CCDC178: variants seen among roughly 807,000 people sequenced by gnomAD.
CCDC178 encodes coiled-coil domain-containing protein 178.
In CCDC178, 126 loss-of-function variants were observed where a neutral mutation model predicts 117.4. The observed-to-expected ratio is 1.07, with a 90% CI of 0.93 to 1.24. The LOEUF (loss-of-function observed/expected upper bound fraction) is 1.24. Among genes scored for constraint, CCDC178 ranks in the 50% most tolerant of loss-of-function variants. CCDC178 has a pLI of 0.00. For missense variants in CCDC178, 1,030 were observed against 986.9 expected (o/e 1.04, Z -0.59); for synonymous variants, 283 against 313.4 (o/e 0.90, Z 1.02).
At chr18:33,432,176 G>A (rs745717068) in intron 2 of CCDC178, among the ~76,000 whole-genome samples, 6 of 152,182 alleles carry the variant, frequency 3.9e-5, no homozygotes, top group Admixed American at 6.5e-5. Context: ...GGAGGGTTTG[G>A]TTGGGTATGG....
At chr18:33,179,133 A>ATATATATAAAC (rs2058704036) in intron 20 of CCDC178, among the ~76,000 whole-genome samples, 1 of 126,590 alleles carries the variant, frequency 7.9e-6, no homozygotes, top group African/African-American at 3.2e-5. Flanking sequence ...TATATAAACT[A>ATATATATAAAC]TATATATATA....
At chr18:33,045,340 T>C (rs1424019863) in intron 21 of CCDC178, among the ~76,000 whole-genome samples, 1 of 152,120 alleles carries the variant, frequency 6.6e-6, no homozygotes, top group East Asian at 1.9e-4. Context: ...AATCAATAAA[T>C]AGTTAGGCCC....
At chr18:33,381,908 T>C (rs2063443171) in intron 5 of CCDC178, among the ~76,000 whole-genome samples, 1 of 152,164 alleles carries the variant, frequency 6.6e-6, no homozygotes, top group African/African-American at 2.4e-5. Context: ...GATTTTACAC[T>C]TTTTGTGAGG....
At chr18:33,265,245 G>C (rs913453750) in intron 14 of CCDC178, among the ~76,000 whole-genome samples, 1 of 151,266 alleles carries the variant, frequency 6.6e-6, no homozygotes, top group African/African-American at 2.4e-5. Flanking sequence ...ATTTTTTCCT[G>C]ATAGCATAGT....
intron 5 of CCDC178, among the ~76,000 whole-genome samples, chr18:33,371,006 C>T (rs73955121): frequency 0.016 from 2,377 of 151,996 alleles, 62 homozygotes; most frequent in African/African-American, 0.053. Context: ...ATATGCTCAG[C>T]GCCTCAATGA....
At chr18:33,320,471 C>T (rs1350607555) in intron 11 of CCDC178, among the ~76,000 whole-genome samples, 1 of 152,128 alleles carries the variant, frequency 6.6e-6, no homozygotes, top group Non-Finnish European at 1.5e-5. Context: ...AGAGCCAAAT[C>T]ATGAGTGAAC....
intron 6 of CCDC178, among the ~76,000 whole-genome samples, chr18:33,363,032 TTTTTAA>T (rs1490128619): frequency 6.6e-6 from 1 of 151,624 alleles, no homozygotes; most frequent in Admixed American, 6.6e-5. Context: ...TAATGAGATA[TTTTTAA>T]AAACTGGATC....
At chr18:33,007,888 T>C (rs2055782891) in intron 21 of CCDC178, among the ~76,000 whole-genome samples, 2 of 152,094 alleles carry the variant, frequency 1.3e-5, no homozygotes, top group African/African-American at 4.8e-5. Flanking sequence ...AACATGAACA[T>C]TGTGCAATAG....
chr18:33,329,439 C>T (rs551210936), intron 10 of CCDC178, among the ~76,000 whole-genome samples: 39 of 152,164 alleles, frequency 2.6e-4, no homozygotes, highest in African/African-American at 8.9e-4. Flanking sequence ...ACAAAAATGT[C>T]CTTATTCATA....
chr18:33,223,244 T>C (rs1475876301), intron 17 of CCDC178, 25 bp from the exon 18 acceptor site: 3 of 1,566,396 alleles, frequency 1.9e-6, no homozygotes, highest in Middle Eastern at 1.7e-4. Flanking sequence ...GATATTAAGA[T>C]GTGCAGCATT....
At chr18:33,112,464 G>A (rs759917154) in intron 20 of CCDC178, among the ~76,000 whole-genome samples, 84 of 151,880 alleles carry the variant, frequency 5.5e-4, no homozygotes, top group Non-Finnish European at 8.4e-4. Context: ...AAAAGATTTC[G>A]TCTAAAAATT....
At chr18:33,294,703 A>T (rs993474688) in intron 11 of CCDC178, among the ~76,000 whole-genome samples, 2 of 152,208 alleles carry the variant, frequency 1.3e-5, no homozygotes, top group Admixed American at 1.3e-4. Context: ...AGAGTTAGAT[A>T]GCCTCAACAT....
At chr18:33,225,290 G>A (rs2059289115) in intron 16 of CCDC178, among the ~76,000 whole-genome samples, 1 of 151,890 alleles carries the variant, frequency 6.6e-6, no homozygotes, top group South Asian at 2.1e-4. Flanking sequence ...AGCCTTCTCA[G>A]TAGCTGGAAT....
chr18:33,425,263 TTTGA>T (rs1279270082), intron 2 of CCDC178, among the ~76,000 whole-genome samples: 4 of 152,126 alleles, frequency 2.6e-5, no homozygotes, highest in African/African-American at 9.7e-5. Flanking sequence ...AAAACAGGAA[TTTGA>T]TTGACTGTCC....
At chr18:32,954,583 A>C (rs552611675) in intron 22 of CCDC178, 1 of 152,284 alleles carries the variant, frequency 6.6e-6, no homozygotes, top group South Asian at 2.1e-4. Context: ...AGTATGAAAA[A>C]ACAATGCCTG....
At chr18:33,238,247 A>G (rs1279544067) in intron 15 of CCDC178, among the ~76,000 whole-genome samples, 2 of 152,150 alleles carry the variant, frequency 1.3e-5, no homozygotes, top group African/African-American at 4.8e-5. Flanking sequence ...AACATGAAAA[A>G]GCAAGGAAAA....
At position 33,212,823 on chromosome 18, in the gene CCDC178, A is replaced by G. The variant is rs1209977165; in HGVS notation, c.2079-768T>C. ...ACTCAGTAGTTATGTAAGGAACAATACTAGTAGAAAAATATCAAAACATGG... is the reference window on the plus strand; with the variant it reads ...ACTCAGTAGTTATGTAAGGAACAATGCTAGTAGAAAAATATCAAAACATGG... On this transcript the variant is annotated intron_variant, in intron 19 of 22. Coordinates refer to ENST00000383096, the MANE Select transcript of CCDC178 (RefSeq NM_001105528.4). Among the ~76,000 whole-genome samples the G allele has an allele frequency of 2.6e-5, 4 of 152,108 alleles. No homozygotes were observed. The South Asian group carries it at 8.3e-4, about 32-fold the overall frequency.
chr18:33,323,702 G>C (rs2062548227), intron 10 of CCDC178, 69 bp from the exon 11 acceptor site: 7 of 926,076 alleles, frequency 7.6e-6, no homozygotes, highest in Non-Finnish European at 8.8e-6. Flanking sequence ...CTTCAACTTA[G>C]TGTAGTATTG....
chr18:33,199,830 T>A (rs1248595886), intron 20 of CCDC178, among the ~76,000 whole-genome samples: 2 of 152,138 alleles, frequency 1.3e-5, no homozygotes, highest in African/African-American at 4.8e-5. Flanking sequence ...GTTAACAGAT[T>A]TCAACTGGGC....
Sources: allele counts gnomAD v4.1 joint callset (sites outside exome capture counted in the v4.1 genomes callset), GRCh38; gene constraint gnomAD v4.1.1; transcripts MANE v1.5; gene names NCBI Gene and HGNC (gene_info 2026-07-23, HGNC 2026-07-21).